The following CCSER1 variants were observed in gnomAD, a reference collection of about 807,000 sequenced individuals.
CCSER1 encodes serine-rich coiled-coil domain-containing protein 1.
A neutral mutation model predicts 82.0 loss-of-function variants in CCSER1; 41 were observed. The ratio of observed to expected loss-of-function variants is 0.50; its 90% confidence interval spans 0.39 to 0.65. The LOEUF (loss-of-function observed/expected upper bound fraction) is 0.65, where lower values mean the gene tolerates loss of function less well. Ranked by LOEUF, CCSER1 falls within the 30% of genes least tolerant of loss-of-function variation. CCSER1 has a pLI of 0.00. For synonymous variants in CCSER1, 414 were observed against 383.9 expected (o/e 1.08, Z -0.92); for missense variants, 1,119 against 1,064.2 (o/e 1.05, Z -0.72).
intron 9 of CCSER1, among the ~76,000 whole-genome samples, chr4:90,965,364 C>T (rs1378465492): frequency 1.3e-5 from 2 of 151,972 alleles, no homozygotes; most frequent in African/African-American, 2.4e-5. Flanking sequence ...TGTGTGTATG[C>T]CCAAGAAAGA....
intron 1 of CCSER1, among the ~76,000 whole-genome samples, chr4:90,190,545 G>A (rs1036563728): frequency 6.6e-6 from 1 of 151,986 alleles, no homozygotes; most frequent in African/African-American, 2.4e-5. Flanking sequence ...AACACCACCG[G>A]GGCTTTCATG....
At chr4:90,722,185 A>G (rs1742793600) in intron 6 of CCSER1, among the ~76,000 whole-genome samples, 1 of 151,850 alleles carries the variant, frequency 6.6e-6, no homozygotes, top group South Asian at 2.1e-4. Flanking sequence ...AATTTTTACA[A>G]ATGAATGTCA....
intron 5 of CCSER1, among the ~76,000 whole-genome samples, chr4:90,538,139 T>G (rs1775649133): frequency 6.6e-6 from 1 of 152,172 alleles, no homozygotes; most frequent in African/African-American, 2.4e-5. Context: ...ATTTTATTTT[T>G]CTAGTTATTG....
intron 7 of CCSER1, chr4:90,727,391 G>A: frequency 2.4e-6 from 1 of 415,288 alleles, no homozygotes; most frequent in South Asian, 1.7e-5. Context: ...ACAGTGGATT[G>A]CTTAGCCATT....
At chr4:91,230,312 A>G (rs1026766679) in intron 10 of CCSER1, among the ~76,000 whole-genome samples, 1 of 152,130 alleles carries the variant, frequency 6.6e-6, no homozygotes, top group Non-Finnish European at 1.5e-5. Context: ...CACTAGCAAG[A>G]GTTTGGAAAG....
At chr4:91,374,945 G>A (rs971153663) in intron 10 of CCSER1, among the ~76,000 whole-genome samples, 4 of 152,176 alleles carry the variant, frequency 2.6e-5, no homozygotes, top group Admixed American at 6.5e-5. Context: ...GCAGTGAGCT[G>A]AGATCATCTC....
intron 1 of CCSER1, among the ~76,000 whole-genome samples, chr4:90,286,209 A>G (rs902304648): frequency 1.3e-4 from 20 of 151,946 alleles, no homozygotes; most frequent in African/African-American, 4.6e-4. Flanking sequence ...TAAACAGTTT[A>G]TATTTGTTCT....
At chr4:90,207,932 C>G (rs531485985) in intron 1 of CCSER1, among the ~76,000 whole-genome samples, 1 of 152,140 alleles carries the variant, frequency 6.6e-6, no homozygotes, top group Non-Finnish European at 1.5e-5. Flanking sequence ...AGGTGTGTGT[C>G]GACCCCTGCT....
chr4:91,545,593 A>G (rs1334308545), intron 10 of CCSER1, among the ~76,000 whole-genome samples: 2 of 152,054 alleles, frequency 1.3e-5, no homozygotes, highest in Non-Finnish European at 2.9e-5. Flanking sequence ...CCACTCATTC[A>G]TTGCCTGTTT....
intron 10 of CCSER1, among the ~76,000 whole-genome samples, chr4:91,489,635 T>C (rs1389053970): frequency 6.6e-6 from 1 of 151,850 alleles, no homozygotes; most frequent in East Asian, 1.9e-4. Flanking sequence ...CAGAACCCCA[T>C]CTCTTAGCTG....
intron 8 of CCSER1, among the ~76,000 whole-genome samples, chr4:90,816,515 C>G (rs1297773338): frequency 2.0e-5 from 3 of 152,010 alleles, no homozygotes; most frequent in Admixed American, 2.0e-4. Flanking sequence ...TGAATATTAA[C>G]AGTATTTTGC....
rs55958733 is a variant in CCSER1 at position 90,600,245 on chromosome 4, A to T, written c.1725-27780A>T. ...TTAGGACTGAAATGATATGGTCAGG[A>T]CAGGTTTAAATATTTAGGAGACTTC... is the stretch of plus-strand genomic sequence containing the variant. On this transcript the variant is annotated intron_variant, in intron 5 of 10. Coordinates refer to ENST00000509176, the MANE Select transcript of CCSER1 (RefSeq NM_001145065.2). Among the ~76,000 whole-genome samples, 405 of 152,292 alleles carry T rather than the reference A, an allele frequency of 2.7e-3. 2 individuals are homozygous for T. The highest frequency in any genetic ancestry group is 4.7e-3 in the Non-Finnish European group (317 of 68,016).
At chr4:90,491,593 C>G (rs1768025217) in intron 5 of CCSER1, among the ~76,000 whole-genome samples, 1 of 152,040 alleles carries the variant, frequency 6.6e-6, no homozygotes, top group South Asian at 2.1e-4. Flanking sequence ...CTGTCTTGTG[C>G]CAGTTTTCAA....
intron 5 of CCSER1, among the ~76,000 whole-genome samples, chr4:90,488,230 G>T (rs999774721): frequency 5.2e-4 from 79 of 152,062 alleles, no homozygotes; most frequent in African/African-American, 1.7e-3. Flanking sequence ...TGCCCAGGCT[G>T]GAGTACAGTG....
chr4:90,829,687 T>G (rs1468914414), intron 8 of CCSER1, among the ~76,000 whole-genome samples: 2 of 152,028 alleles, frequency 1.3e-5, no homozygotes, highest in Non-Finnish European at 2.9e-5. Context: ...AAAGGAAAAT[T>G]TGCTTGGAAG....
At chr4:91,583,906 C>T in intron 10 of CCSER1, among the ~76,000 whole-genome samples, 1 of 151,256 alleles carries the variant, frequency 6.6e-6, no homozygotes, top group Admixed American at 6.6e-5. Context: ...GAAGTGAGGA[C>T]TAAGGAGGAT....
chr4:91,398,013 T>C (rs1346893147), intron 10 of CCSER1, among the ~76,000 whole-genome samples: 2 of 152,026 alleles, frequency 1.3e-5, no homozygotes, highest in Non-Finnish European at 2.9e-5. Context: ...ATCTCAGAAG[T>C]AGACTGAGTT....
At chr4:91,448,233 C>T (rs1755678466) in intron 10 of CCSER1, among the ~76,000 whole-genome samples, 1 of 152,044 alleles carries the variant, frequency 6.6e-6, no homozygotes, top group Middle Eastern at 3.2e-3. Flanking sequence ...ATTTGACAGA[C>T]TAATTTCTCT....
chr4:91,327,048 A>G (rs1197105684), intron 10 of CCSER1, among the ~76,000 whole-genome samples: 2 of 152,160 alleles, frequency 1.3e-5, no homozygotes, highest in South Asian at 2.1e-4. Context: ...TTCCAGGCAC[A>G]TGGTACAAGC....
Sources: gnomAD v4.1 joint callset for allele counts (sites outside exome capture counted in the v4.1 genomes callset) on GRCh38, gnomAD v4.1.1 for gene constraint, MANE v1.5 for transcripts, NCBI Gene and HGNC (gene_info 2026-07-23, HGNC 2026-07-21) for gene names.